CNTRL: variants seen among roughly 807,000 people sequenced by gnomAD.
The protein encoded by CNTRL is 110 kDa centrosomal protein.
Under a neutral mutation model 303.7 loss-of-function variants are expected in CNTRL, and 233 were observed. That is an observed-to-expected ratio of 0.77 (90% CI 0.69 to 0.86). The LOEUF (loss-of-function observed/expected upper bound fraction) is 0.86. Ranked by LOEUF, CNTRL falls within the 40% of genes least tolerant of loss-of-function variation. CNTRL has a pLI of 0.00. For synonymous variants in CNTRL, 900 were observed against 922.2 expected, an observed-to-expected ratio of 0.98 and a Z score of 0.44; for missense variants, 2,524 against 2,650.6, an observed-to-expected ratio of 0.95 and a Z score of 1.05.
rs767804876 is a variant in CNTRL at position 121,140,593 on chromosome 9, A to G, written c.2338-48A>G. 116 of 1,512,082 alleles carry G rather than the reference A, an allele frequency of 7.7e-5. 1 individual carries two copies. Among genetic ancestry groups the G allele is most frequent in the Non-Finnish European group, 4.7e-5 (53 of 1,116,882 alleles). The allele number at this position is 1,512,082 out of a possible 1,614,324, so 93.7% of individuals were successfully genotyped here. A position where few individuals can be genotyped will look rare whatever the true frequency, so the allele number is the denominator to read the frequency against. On this transcript the variant is annotated intron_variant, in intron 16 of 43. Transcript: ENST00000373855. Reference sequence around the variant, plus strand: ...TGTTTGTTAGTTCGTTAGTAGTGAAAATATGCTGGCATGTAATAGATAATC... The same window carrying G: ...TGTTTGTTAGTTCGTTAGTAGTGAAGATATGCTGGCATGTAATAGATAATC...
At position 121,154,889 on chromosome 9, in the gene CNTRL, T is replaced by C. The variant is rs772409996; in HGVS notation, c.4341T>C (p.Ser1447=). The C allele has an allele frequency of 1.2e-6, 2 of 1,613,966 alleles. No individual in the cohort carries two copies. Among genetic ancestry groups the C allele is most frequent in the South Asian group, 2.2e-5 (2 of 91,064 alleles). Residue 1447 remains serine, a synonymous_variant, in exon 27 of 44, where the codon AGT becomes AGC. Coordinates refer to ENST00000373855, the MANE Select transcript of CNTRL (RefSeq NM_007018.6). ...ACCGACTCCTGGCAGAGGCTGAGAGTGAACTTTCATGCACTAAAGAAAAGG... is the reference window on the plus strand; with the variant it reads ...ACCGACTCCTGGCAGAGGCTGAGAGCGAACTTTCATGCACTAAAGAAAAGG... ...EADRLLAEAE[S]ELSCTKEKTK...
intron 8 of CNTRL, among the ~76,000 whole-genome samples, chr9:121,108,372 G>A (rs1362354164): frequency 6.6e-6 from 1 of 152,132 alleles, no homozygotes; most frequent in East Asian, 1.9e-4. Flanking sequence ...ATATCTTTAT[G>A]CTGATTCCCT....
intron 38 of CNTRL, 103 bp from the exon 39 acceptor site, chr9:121,169,508 T>G: frequency 9.1e-7 from 1 of 1,097,952 alleles, no homozygotes; most frequent in East Asian, 2.4e-5. Flanking sequence ...AGCACCTGCA[T>G]GGGTAGCATA....
chr9:121,131,162 C>A (rs2050831764), intron 14 of CNTRL, among the ~76,000 whole-genome samples: 1 of 152,150 alleles, frequency 6.6e-6, no homozygotes, highest in Non-Finnish European at 1.5e-5. Context: ...TGGTGCAGAG[C>A]TGAGTTCAAT....
chr9:121,124,100 T>TGATTTAAG lies in CNTRL; in HGVS notation c.1804+18_1804+25dup. The TGATTTAAG allele has an allele frequency of 6.3e-7, 1 of 1,589,586 alleles. No homozygotes were observed. Among genetic ancestry groups the TGATTTAAG allele is most frequent in the African/African-American group, 1.4e-5 (1 of 73,760 alleles). On this transcript the variant is annotated intron_variant, in intron 13 of 43. Transcript: ENST00000373855. ...CTTACTGAAGGTAAGACTTTCAGTATGATTTAAGGTAAATCAGTGTTATTG... is the reference window on the plus strand; with the variant it reads ...CTTACTGAAGGTAAGACTTTCAGTATGATTTAAGGATTTAAGGTAAATCAGTGTTATTG...
In CNTRL at chr9:121,113,716, T is replaced by A. The variant is rs2133165611; in HGVS notation, c.1337T>A (p.Ile446Lys). ...DTQLEDKEKK[I>K]SAAQTRLSEL... Reference sequence around the variant, plus strand: ...CAACTGGAAGACAAAGAAAAAAAAATAAGTGCAGGTTAAAAAAAGTTATTT... The same window carrying A: ...CAACTGGAAGACAAAGAAAAAAAAAAAAGTGCAGGTTAAAAAAAGTTATTT... Residue 446 changes from isoleucine (I) to lysine (K), a missense_variant, in exon 10 of 44, where the codon ATA becomes AAA. Ile to Lys is a moderately radical substitution (Grantham distance 102). Transcript: ENST00000373855. The A allele has an allele frequency of 5.3e-6, 8 of 1,519,330 alleles. No homozygotes were observed. Among genetic ancestry groups the A allele is most frequent in the East Asian group, 2.3e-5 (1 of 42,660 alleles). The allele number at this position is 1,519,330 out of a possible 1,614,324, so 94.1% of individuals were successfully genotyped here.
chr9:121,166,027 T>A (rs1433493578), intron 35 of CNTRL, 80 bp from the exon 36 acceptor site: 1 of 1,071,060 alleles, frequency 9.3e-7, no homozygotes, highest in East Asian at 2.6e-5. Context: ...ACAACTTCTC[T>A]ACTTTTTGGG....
chr9:121,167,734 A>G (rs756990189), intron 37 of CNTRL, 57 bp downstream of exon 37: 2 of 1,465,236 alleles, frequency 1.4e-6, no homozygotes, highest in Non-Finnish European at 1.9e-6. Context: ...ATGTGAGCCT[A>G]TTTTTCCCCT....
Position 121,112,545 on chromosome 9 carries a change from T to C in CNTRL, c.1089T>C (p.Ala363=), listed in dbSNP as rs1427474246. The change falls in exon 9 of 44, where the codon GCT becomes GCC. Residue 363 remains alanine (A), a synonymous_variant. Coordinates refer to ENST00000373855, the MANE Select transcript of CNTRL (RefSeq NM_007018.6). ...AATTGGCCTTTTATAAAATTGATGC[T>C]AAATTTGAGCCACTAAATTATTATC... ...EQELAFYKID[A]KFEPLNYYPS... 16 of 1,612,702 alleles carry C rather than the reference T, an allele frequency of 9.9e-6. No homozygotes were observed. Among genetic ancestry groups the C allele is most frequent in the East Asian group, 2.2e-5 (1 of 44,858 alleles).
In CNTRL at chr9:121,157,804, GAAAT is replaced by G. The variant is rs767985917; in HGVS notation, c.4565_4568del (p.Ile1522ThrfsTer4). ...AATCAAGCAAGAAGAAATCTTGAAA[GAAAT>G]AAACAAAATTGTAGCAGCAAAAGAC... On this transcript the variant is annotated frameshift_variant, in exon 29 of 44. Transcript: ENST00000373855. LOFTEE classifies it high-confidence loss of function. 2 of 1,614,130 alleles carry G rather than the reference GAAAT, an allele frequency of 1.2e-6. No individual in the cohort carries two copies. The highest frequency in any genetic ancestry group is 1.7e-6 in the Non-Finnish European group (2 of 1,180,006).
rs2133307125 is a variant in CNTRL at position 121,118,799 on chromosome 9, T to G, written c.1650+259T>G. Among the ~76,000 whole-genome samples, 2 of 152,314 alleles carry G rather than the reference T, an allele frequency of 1.3e-5. 1 individual carries two copies. Among genetic ancestry groups the G allele is most frequent in the South Asian group, 4.1e-4 (2 of 4,822 alleles). On this transcript the variant is annotated intron_variant, in intron 12 of 43. Transcript: ENST00000373855. ...TGTACAGACTTTTTTTCATTTGTCA[T>G]TATTCCCTAAACAAGACAGTATAAC...
chr9:121,143,423 A>C (rs549449234), intron 19 of CNTRL, among the ~76,000 whole-genome samples: 2 of 152,174 alleles, frequency 1.3e-5, no homozygotes, highest in Non-Finnish European at 2.9e-5. Context: ...TGAAATGTCA[A>C]GTGGCTGTAA....
At position 121,118,472 on chromosome 9, in the gene CNTRL, G is replaced by A. The variant is rs768059255; in HGVS notation, c.1582G>A (p.Gly528Arg). The A allele has an allele frequency of 9.9e-6, 16 of 1,611,752 alleles. No homozygotes were observed. The highest frequency in any genetic ancestry group is 2.2e-5 in the South Asian group (2 of 90,836). ...GGAAAAGCAAAAGCAGGAAATTGCC[G>A]GAAAGCAGAAGGAGATTAAGGACCT... ...QMEKQKQEIA[G>R]KQKEIKDLQI... Residue 528 changes from glycine (G) to arginine (R), a missense_variant, in exon 12 of 44, where the codon GGA becomes AGA. Transcript: ENST00000373855.
In CNTRL at chr9:121,166,142, C is replaced by G. The variant is rs745685001; in HGVS notation, c.5617C>G (p.Leu1873Val). The G allele has an allele frequency of 8.6e-5, 139 of 1,611,764 alleles. No individual in the cohort carries two copies. The highest frequency in any genetic ancestry group is 1.1e-4 in the Non-Finnish European group (127 of 1,179,390). ...REAVNSLQEELANVQDHLNLA... is the reference protein window; with the variant it reads ...REAVNSLQEEVANVQDHLNLA... Reference sequence around the variant, plus strand: ...AGCAGTAAACTCACTGCAGGAGGAACTAGCTAATGTCCAAGACCATTTGAA... The same window carrying G: ...AGCAGTAAACTCACTGCAGGAGGAAGTAGCTAATGTCCAAGACCATTTGAA... Residue 1873 changes from leucine to valine, a missense_variant, in exon 36 of 44, where the codon CTA becomes GTA. Coordinates refer to ENST00000373855, the MANE Select transcript of CNTRL (RefSeq NM_007018.6).
chr9:121,089,421 G>C (rs1361419678), intron 3 of CNTRL, among the ~76,000 whole-genome samples: 1 of 152,128 alleles, frequency 6.6e-6, no homozygotes, highest in African/African-American at 2.4e-5. Flanking sequence ...GGAACCAAGA[G>C]GTGATTTACT....
rs978805656 is a variant in CNTRL at position 121,168,254 on chromosome 9, G to T, written c.6003G>T (p.Glu2001Asp). The T allele has an allele frequency of 1.9e-6, 3 of 1,614,046 alleles. No homozygotes were observed. Among genetic ancestry groups the T allele is most frequent in the African/African-American group, 2.7e-5 (2 of 74,934 alleles). Reference protein sequence around the residue: ...QVLSKVLAAEERVRTLQEEER... With the variant: ...QVLSKVLAAEDRVRTLQEEER... ...TCTCAAAGGTGCTGGCAGCTGAAGA[G>T]CGTGTTAGGACTCTGCAGGAAGAGG... The change falls in exon 38 of 44, where the codon GAG becomes GAT. Residue 2001 changes from glutamate to aspartate, a missense_variant. Transcript: ENST00000373855.
chr9:121,079,322 A>G (rs1167845395), intron 1 of CNTRL, among the ~76,000 whole-genome samples: 1 of 152,152 alleles, frequency 6.6e-6, no homozygotes, highest in Non-Finnish European at 1.5e-5. Flanking sequence ...GTATAGTTTA[A>G]TATGAGAAAA....
chr9:121,108,315 G>A (rs542845500), intron 8 of CNTRL, among the ~76,000 whole-genome samples: 1 of 152,114 alleles, frequency 6.6e-6, no homozygotes, highest in Non-Finnish European at 1.5e-5. Context: ...TGAGTTATAG[G>A]TCTTTTTGGA....
intron 26 of CNTRL, among the ~76,000 whole-genome samples, chr9:121,152,935 T>G (rs952223039): frequency 6.6e-6 from 1 of 152,204 alleles, no homozygotes; most frequent in Non-Finnish European, 1.5e-5. Context: ...CTGAGTTCTT[T>G]TGGCCAATAA....
Sources: gnomAD v4.1 joint callset for allele counts (sites outside exome capture counted in the v4.1 genomes callset) on GRCh38, gnomAD v4.1.1 for gene constraint, MANE v1.5 for transcripts, NCBI Gene and HGNC (gene_info 2026-07-23, HGNC 2026-07-21) for gene names.